Variants in SLIT3 observed in about 807,000 individuals in gnomAD.
SLIT3 encodes the protein slit homolog 3 protein.
Under a neutral mutation model 184.0 loss-of-function variants are expected in SLIT3, and 68 were observed. The observed-to-expected ratio is 0.37, with a 90% CI of 0.30 to 0.45. The LOEUF (loss-of-function observed/expected upper bound fraction) is 0.45. Among genes scored for constraint, SLIT3 ranks in the 20% least tolerant of loss-of-function variants. SLIT3 has a pLI of 1.00. For synonymous variants in SLIT3, 831 were observed against 828.6 expected (o/e 1.00, Z -0.05); for missense variants, 1,707 against 2,026.0 (o/e 0.84, Z 3.02).
chr5:168,979,989 A>ATTTTGCCCTTTTT (rs1754895917), intron 4 of SLIT3, among the ~76,000 whole-genome samples: 1 of 152,020 alleles, frequency 6.6e-6, no homozygotes, highest in East Asian at 1.9e-4. Context: ...ACTGGGCAAA[A>ATTTTGCCCTTTTT]AGGGGCTTCC....
chr5:169,094,459 T>C (rs1294235549), intron 4 of SLIT3, among the ~76,000 whole-genome samples: 2 of 152,122 alleles, frequency 1.3e-5, no homozygotes, highest in African/African-American at 4.8e-5. Context: ...TGAAACCCCG[T>C]CTCTACTAAA....
chr5:168,734,031 C>A (rs1413956501), intron 20 of SLIT3, among the ~76,000 whole-genome samples: 1 of 152,018 alleles, frequency 6.6e-6, no homozygotes, highest in South Asian at 2.1e-4. Context: ...CTGGAGACTA[C>A]AAAAGGTAGG....
At chr5:169,237,304 T>C (rs1309094863) in intron 3 of SLIT3, among the ~76,000 whole-genome samples, 1 of 152,242 alleles carries the variant, frequency 6.6e-6, no homozygotes. Flanking sequence ...TAGGTTTTGA[T>C]AAATGCATAG....
At chr5:168,824,682 C>T (rs2113672586) in intron 6 of SLIT3, among the ~76,000 whole-genome samples, 1 of 152,312 alleles carries the variant, frequency 6.6e-6, no homozygotes, top group South Asian at 2.1e-4. Flanking sequence ...GAGTTGGATA[C>T]AGCCCTTGGT....
intron 5 of SLIT3, among the ~76,000 whole-genome samples, chr5:168,849,989 G>T (rs1758613425): frequency 6.6e-6 from 1 of 151,574 alleles, no homozygotes; most frequent in Non-Finnish European, 1.5e-5. Context: ...TTTTTTTTAT[G>T]ACAGTTTAAC....
chr5:168,925,607 GA>G (rs1440656378), intron 4 of SLIT3, among the ~76,000 whole-genome samples: 2 of 151,038 alleles, frequency 1.3e-5, no homozygotes, highest in Admixed American at 6.6e-5. Context: ...CCAGAAGGTA[GA>G]TGAGAAAGAT....
intron 1 of SLIT3, among the ~76,000 whole-genome samples, chr5:169,276,385 T>C (rs1378615331): frequency 6.6e-6 from 1 of 152,200 alleles, no homozygotes; most frequent in East Asian, 1.9e-4. Context: ...TCCCATCTTC[T>C]TCCAAGAGCT....
intron 23 of SLIT3, among the ~76,000 whole-genome samples, chr5:168,721,073 T>C (rs1423540721): frequency 6.6e-6 from 1 of 152,184 alleles, no homozygotes; most frequent in African/African-American, 2.4e-5. Flanking sequence ...TTGCAAAAGG[T>C]TAGACGAAGA....
intron 5 of SLIT3, among the ~76,000 whole-genome samples, chr5:168,865,901 T>C (rs1167393376): frequency 6.6e-6 from 1 of 152,240 alleles, no homozygotes; most frequent in Admixed American, 6.5e-5. Context: ...TCTGCTTTGT[T>C]AAACAAAATA....
At chr5:169,182,741 G>A (rs189173077) in intron 4 of SLIT3, among the ~76,000 whole-genome samples, 26 of 152,308 alleles carry the variant, frequency 1.7e-4, no homozygotes, top group African/African-American at 5.5e-4. Flanking sequence ...TCAAAAGGTT[G>A]TTATTTTTCT....
chr5:168,987,594 C>A (rs1480716358), intron 4 of SLIT3, among the ~76,000 whole-genome samples: 1 of 152,224 alleles, frequency 6.6e-6, no homozygotes, highest in Non-Finnish European at 1.5e-5. Context: ...TTATCACATG[C>A]ACACAGTAAA....
chr5:169,179,359 G>T (rs4042730), intron 4 of SLIT3, among the ~76,000 whole-genome samples: 16,564 of 149,852 alleles, frequency 0.11, 1,836 homozygotes, highest in African/African-American at 0.27. Flanking sequence ...CTTCACTAAG[G>T]TGAGGCCTCC....
chr5:169,081,846 C>T (rs1759074671), intron 4 of SLIT3, among the ~76,000 whole-genome samples: 1 of 152,230 alleles, frequency 6.6e-6, no homozygotes, highest in South Asian at 2.1e-4. Flanking sequence ...TTACTCTTCA[C>T]AGCAACACTG....
chr5:168,866,118 C>G (rs774102929), intron 5 of SLIT3, among the ~76,000 whole-genome samples: 1 of 152,126 alleles, frequency 6.6e-6, no homozygotes, highest in Non-Finnish European at 1.5e-5. Flanking sequence ...TAAACTGGCC[C>G]GGGACAGATG....
Position 169,193,438 on chromosome 5 carries a change from G to A in SLIT3, c.413+41C>T, listed in dbSNP as rs183559041. On this transcript the variant is annotated intron_variant, in intron 4 of 35. Transcript: ENST00000519560. ...CACATCCTCCACATCACCCAAGCCAGGCAAGGCACAAGGTAGAGAACACAA... is the reference window on the plus strand; with the variant it reads ...CACATCCTCCACATCACCCAAGCCAAGCAAGGCACAAGGTAGAGAACACAA... 5.7e-6 allele frequency: 9 copies of A among 1,567,890 alleles called. 1 individual carries two copies. The East Asian group carries it at 2.0e-4, about 35-fold the overall frequency.
intron 4 of SLIT3, among the ~76,000 whole-genome samples, chr5:169,095,051 C>T (rs1053715746): frequency 6.6e-5 from 10 of 152,230 alleles, no homozygotes; most frequent in Non-Finnish European, 1.3e-4. Context: ...GCTTTCCTAA[C>T]AGCTAGTCAA....
intron 4 of SLIT3, among the ~76,000 whole-genome samples, chr5:169,035,501 T>C (rs1317899476): frequency 6.6e-6 from 1 of 151,746 alleles, no homozygotes; most frequent in Non-Finnish European, 1.5e-5. Context: ...CACAAAAAAT[T>C]AGCCAGGCGT....
At chr5:168,838,107 A>T (rs62378511) in intron 6 of SLIT3, among the ~76,000 whole-genome samples, 1,985 of 152,328 alleles carry the variant, frequency 0.013, 22 homozygotes, top group South Asian at 0.022. Context: ...TAATGATCTC[A>T]CTAGTGCATA....
At chr5:168,877,787 TAC>T (rs1340699827) in intron 5 of SLIT3, among the ~76,000 whole-genome samples, 1 of 152,116 alleles carries the variant, frequency 6.6e-6, no homozygotes, top group Non-Finnish European at 1.5e-5. Context: ...ATGCATGTCC[TAC>T]ACAGTCCTCG....
Sources: gnomAD v4.1 joint callset for allele counts (sites outside exome capture counted in the v4.1 genomes callset) on GRCh38, gnomAD v4.1.1 for gene constraint, MANE v1.5 for transcripts, NCBI Gene and HGNC (gene_info 2026-07-23, HGNC 2026-07-21) for gene names.